Variants in LGALS8 observed in about 807,000 individuals in gnomAD.
LGALS8 encodes the protein galectin-8.
In LGALS8, 30 loss-of-function variants were observed where a neutral mutation model predicts 35.9. The ratio of observed to expected loss-of-function variants is 0.83; its 90% CI spans 0.62 to 1.13. The LOEUF is 1.13. LGALS8 is among the 50% of genes most tolerant of loss of function. The pLI, the probability that LGALS8 is intolerant of heterozygous loss-of-function variation, is 0.00. For missense variants in LGALS8, 366 were observed against 388.7 expected (o/e 0.94, Z 0.49); for synonymous variants, 138 against 136.1 (o/e 1.01, Z -0.10).
chr1:236,540,631 T>C lies in LGALS8; in HGVS notation c.413T>C (p.Leu138Pro). Residue 138 changes from leucine (L) to proline (P), a missense_variant, in exon 5 of 10, where the codon CTG (leucine) becomes CCG (proline). Transcript: ENST00000366584. ...HRIGPEKIDT[L>P]GIYGKVNIHS... ...ATCGGCCCAGAGAAAATAGACACTC[T>C]GGGCATTTATGGCAAAGTGAATATT... 6.2e-7 allele frequency: 1 copy of C among 1,611,970 alleles called. No individual in the cohort carries two copies. Among genetic ancestry groups the C allele is most frequent in the Non-Finnish European group, 8.5e-7 (1 of 1,179,162 alleles).
intron 7 of LGALS8, 89 bp downstream of exon 7, chr1:236,542,876 A>C: frequency 6.2e-7 from 1 of 1,614,180 alleles, no homozygotes; most frequent in East Asian, 2.2e-5. Flanking sequence ...GGGCAGCTTC[A>C]TTCATTCCAT....
intron 5 of LGALS8, among the ~76,000 whole-genome samples, chr1:236,541,005 A>G (rs1217566291): frequency 6.6e-6 from 1 of 152,238 alleles, no homozygotes; most frequent in African/African-American, 2.4e-5. Flanking sequence ...GCCTGAGTCA[A>G]AGAGCACAGT....
intron 2 of LGALS8, among the ~76,000 whole-genome samples, chr1:236,530,063 CT>C (rs1553275940): frequency 6.6e-6 from 1 of 152,168 alleles, no homozygotes; most frequent in Non-Finnish European, 1.5e-5. Context: ...CATTATCTAC[CT>C]ATATATTTAA....
intron 9 of LGALS8, among the ~76,000 whole-genome samples, chr1:236,546,932 C>T (rs1395505226): frequency 1.1e-5 from 1 of 92,372 alleles, no homozygotes; most frequent in African/African-American, 3.3e-5. Context: ...TTCATCTTGG[C>T]CAGCTGTTAT....
Position 236,549,678 on chromosome 1 carries a change from G to C in LGALS8, c.*1517G>C, listed in dbSNP as rs549781713. 1 of 152,230 alleles carries C rather than the reference G, an allele frequency of 6.6e-6. No homozygotes were observed. The highest frequency in any genetic ancestry group is 2.1e-4 in the South Asian group (1 of 4,816). 9.4% of individuals were successfully genotyped at this position (152,230 alleles called of 1,614,324 possible). ...AAAGCTGTAGAAGGCAAGAAGACTC[G>C]AGAATCCCCCAGAGTTATTTTTCTC... On this transcript the variant is annotated 3_prime_UTR_variant, in exon 10 of 10. Coordinates refer to ENST00000366584, the MANE Select transcript of LGALS8 (RefSeq NM_201544.4).
chr1:236,547,453 C>G (rs1662439794), intron 9 of LGALS8, among the ~76,000 whole-genome samples: 1 of 152,134 alleles, frequency 6.6e-6, no homozygotes, highest in Non-Finnish European at 1.5e-5. Flanking sequence ...TTATCAGGAT[C>G]AGGATCACCA....
chr1:236,534,651 A>G (rs190715245), intron 2 of LGALS8, among the ~76,000 whole-genome samples: 1 of 152,194 alleles, frequency 6.6e-6, no homozygotes, highest in Non-Finnish European at 1.5e-5. Context: ...TCTTTTCTGA[A>G]GTAGAAGGCA....
chr1:236,552,178 A>G lies in LGALS8; in HGVS notation c.*4017A>G, dbSNP rs1018528886. Reference sequence around the variant, plus strand: ...ATTTATTATCTTAAGAGCTGTACTGACTTGAGACAAGCTCTAACTTTTTAA... The same window carrying G: ...ATTTATTATCTTAAGAGCTGTACTGGCTTGAGACAAGCTCTAACTTTTTAA... On this transcript the variant is annotated 3_prime_UTR_variant, in exon 10 of 10. Coordinates refer to ENST00000366584, the MANE Select transcript of LGALS8 (RefSeq NM_201544.4). The G allele has an allele frequency of 2.8e-5, 27 of 978,594 alleles. No homozygotes were observed. Among genetic ancestry groups the G allele is most frequent in the Non-Finnish European group, 3.9e-5 (25 of 633,820 alleles). The allele number at this position is 978,594 out of a possible 1,614,324, so 60.6% of individuals were successfully genotyped here. A position where few individuals can be genotyped will look rare whatever the true frequency, so the allele number is the denominator to read the frequency against.
chr1:236,541,867 G>A (rs933808972), intron 6 of LGALS8, among the ~76,000 whole-genome samples, 157 bp downstream of exon 6: 10 of 152,174 alleles, frequency 6.6e-5, no homozygotes, highest in Admixed American at 3.3e-4. Flanking sequence ...TGCCAGGCAC[G>A]CAGTAAGTTT....
intron 2 of LGALS8, among the ~76,000 whole-genome samples, chr1:236,535,416 A>T (rs74918020): frequency 0.047 from 7,073 of 152,034 alleles, 263 homozygotes; most frequent in Non-Finnish European, 0.068. Context: ...TTTAATGTTT[A>T]TATTTATTTA....
chr1:236,538,812 G>A lies in LGALS8; in HGVS notation c.135-67G>A, dbSNP rs1473168180. 5.4e-6 allele frequency: 6 copies of A among 1,105,650 alleles called. No individual in the cohort carries two copies. The Admixed American group carries it at 1.0e-4, about 19-fold the overall frequency. 68.5% of individuals were successfully genotyped at this position (1,105,650 alleles called of 1,614,324 possible). On this transcript the variant is annotated intron_variant, in intron 3 of 9. Coordinates refer to ENST00000366584, the MANE Select transcript of LGALS8 (RefSeq NM_201544.4). ...TCACTGGGCCTGGAGTGTAGTGCCTGCTGGTCCTTTACTGGTGGCTTTCCT... is the reference window on the plus strand; with the variant it reads ...TCACTGGGCCTGGAGTGTAGTGCCTACTGGTCCTTTACTGGTGGCTTTCCT...
In LGALS8 at chr1:236,535,525, A is replaced by T. The variant is rs73113025; in HGVS notation, c.46-1972A>T. ...CTGCATAAAGATAATTTTAAGATGA[A>T]ATTTGATGTTATAAAAACTTCTCAT... is the stretch of plus-strand genomic sequence containing the variant. On this transcript the variant is annotated intron_variant, in intron 2 of 9. Coordinates refer to ENST00000366584, the MANE Select transcript of LGALS8 (RefSeq NM_201544.4). Among the ~76,000 whole-genome samples, 693 of 152,286 alleles carry T rather than the reference A, an allele frequency of 4.6e-3. 6 individuals are homozygous for T. Among genetic ancestry groups the T allele is most frequent in the African/African-American group, 0.013 (527 of 41,562 alleles).
At chr1:236,518,659 T>G (rs181821680), upstream of LGALS8, among the ~76,000 whole-genome samples, 24 of 152,216 alleles carry the variant, frequency 1.6e-4, no homozygotes, top group African/African-American at 5.5e-4. Context: ...TTCACATATT[T>G]TTTTTTATCA....
chr1:236,534,869 C>T lies in LGALS8; in HGVS notation c.46-2628C>T, dbSNP rs148380395. On this transcript the variant is annotated intron_variant, in intron 2 of 9. Coordinates refer to ENST00000366584, the MANE Select transcript of LGALS8 (RefSeq NM_201544.4). The stretch of plus-strand genomic sequence containing the variant: ...TGAGCCCAGGAGTTCCAGACCAGCC[C>T]GGCCAACATGGCAAAACCCCATCTC... 7.4e-3 allele frequency among the ~76,000 whole-genome samples: 1,119 copies of T among 151,908 alleles called. 16 individuals carry two copies. Among genetic ancestry groups the T allele is most frequent in the African/African-American group, 0.026 (1,059 of 41,412 alleles).
upstream of LGALS8, among the ~76,000 whole-genome samples, chr1:236,522,640 T>A (rs1334474263): frequency 6.6e-6 from 1 of 152,222 alleles, no homozygotes; most frequent in African/African-American, 2.4e-5. Flanking sequence ...AACATTGATA[T>A]CTATTTTATG....
At chr1:236,521,137 T>C (rs1660538802), upstream of LGALS8, among the ~76,000 whole-genome samples, 3 of 152,196 alleles carry the variant, frequency 2.0e-5, no homozygotes, top group Admixed American at 2.0e-4. Context: ...GAGTTTATAG[T>C]CTTATGATGG....
In LGALS8 at chr1:236,526,307, TG is replaced by T; in HGVS notation, c.45+193del. On this transcript the variant is annotated intron_variant, in intron 2 of 9. Transcript: ENST00000366584. The surrounding 1 kb of genome is among the most constrained non-coding windows in gnomAD (Gnocchi z 4.6). Reference sequence around the variant, plus strand: ...CCTCTAGTGGAGGAAGAAGTCACAATGATAATATGACGTGATGAAACAGTGT... The same window carrying T: ...CCTCTAGTGGAGGAAGAAGTCACAATATAATATGACGTGATGAAACAGTGT... The T allele has an allele frequency of 2.2e-6, 1 of 458,956 alleles. No homozygotes were observed. The highest frequency in any genetic ancestry group is 3.9e-6 in the Non-Finnish European group (1 of 256,584). The allele number at this position is 458,956 out of a possible 1,614,324, so 28.4% of individuals were successfully genotyped here.
Position 236,537,591 on chromosome 1 carries a change from A to T in LGALS8, c.134+6A>T. 5.7e-6 allele frequency: 9 copies of T among 1,575,444 alleles called. No homozygotes were observed. Among genetic ancestry groups the T allele is most frequent in the Non-Finnish European group, 7.9e-6 (9 of 1,144,012 alleles). ...GTTCCTAGTGACGCAGACAGGTAAAATCACTGTGCTAAAGGAAGGAGCATG... is the reference window on the plus strand; with the variant it reads ...GTTCCTAGTGACGCAGACAGGTAAATTCACTGTGCTAAAGGAAGGAGCATG... On this transcript the variant is annotated splice_donor_region_variant and intron_variant, in intron 3 of 9. Coordinates refer to ENST00000366584, the MANE Select transcript of LGALS8 (RefSeq NM_201544.4).
At position 236,551,821 on chromosome 1, in the gene LGALS8, C is replaced by A; in HGVS notation, c.*3660C>A. ...CACTTCGCAACTTGCTCCCTCCACC[C>A]AACTCAAAACAGGAGCTCGAGCCTG... On this transcript the variant is annotated 3_prime_UTR_variant, in exon 10 of 10. Coordinates refer to ENST00000366584, the MANE Select transcript of LGALS8 (RefSeq NM_201544.4). The A allele has an allele frequency of 1.8e-6, 1 of 558,580 alleles. No individual in the cohort carries two copies. The allele number at this position is 558,580 out of a possible 1,614,324, so 34.6% of individuals were successfully genotyped here. A position where few individuals can be genotyped will look rare whatever the true frequency, so the allele number is the denominator to read the frequency against.
Sources: gnomAD v4.1 joint callset for allele counts (sites outside exome capture counted in the v4.1 genomes callset) on GRCh38, gnomAD v4.1.1 for gene constraint, Gnocchi (gnomAD v3.1) non-coding constraint, MANE v1.5 for transcripts, NCBI Gene and HGNC (gene_info 2026-07-23, HGNC 2026-07-21) for gene names.